The following ZNF407 variants were observed in gnomAD, a reference collection of about 807,000 sequenced individuals.
ZNF407 encodes zinc finger protein 407.
Under a neutral mutation model 131.2 loss-of-function variants are expected in ZNF407, and 17 were observed. That is an observed-to-expected ratio of 0.13 (90% CI 0.09 to 0.19). The LOEUF (loss-of-function observed/expected upper bound fraction) is 0.19, where lower values mean the gene tolerates loss of function less well. Ranked by LOEUF, ZNF407 falls within the 10% of genes least tolerant of loss-of-function variation. The pLI is 1.00. For missense variants in ZNF407, 2,681 were observed against 2,830.6 expected, an observed-to-expected ratio of 0.95 and a Z score of 1.20; for synonymous variants, 1,156 against 1,062.0, an observed-to-expected ratio of 1.09 and a Z score of -1.72.
intron 3 of ZNF407, among the ~76,000 whole-genome samples, chr18:74,729,099 C>G (rs564092722): frequency 6.6e-6 from 1 of 152,302 alleles, no homozygotes; most frequent in African/African-American, 2.4e-5. Flanking sequence ...TGGTTCATTA[C>G]TGTACCTTTC....
chr18:74,604,708 G>A (rs556522046), intron 1 of ZNF407, among the ~76,000 whole-genome samples: 28 of 152,344 alleles, frequency 1.8e-4, no homozygotes, highest in African/African-American at 6.7e-4. Flanking sequence ...TTCAATGGAA[G>A]TAACAATAAT....
chr18:74,907,043 T>C (rs1307059284), intron 7 of ZNF407, among the ~76,000 whole-genome samples: 4 of 152,202 alleles, frequency 2.6e-5, no homozygotes, highest in African/African-American at 9.6e-5. Context: ...ACATACCGTA[T>C]GTGTATATTT....
chr18:74,823,862 C>G (rs1399937962), intron 4 of ZNF407, among the ~76,000 whole-genome samples: 1 of 152,138 alleles, frequency 6.6e-6, no homozygotes, highest in Non-Finnish European at 1.5e-5. Context: ...CCAAGCAGAC[C>G]TAATAGACAT....
At chr18:75,045,160 C>T (rs1028802252) in intron 8 of ZNF407, among the ~76,000 whole-genome samples, 1 of 151,924 alleles carries the variant, frequency 6.6e-6, no homozygotes, top group Non-Finnish European at 1.5e-5. Flanking sequence ...ATGTACATAA[C>T]ATGTGCCTGT....
At chr18:74,693,162 A>G (rs1967270020) in intron 3 of ZNF407, among the ~76,000 whole-genome samples, 1 of 152,190 alleles carries the variant, frequency 6.6e-6, no homozygotes, top group Non-Finnish European at 1.5e-5. Context: ...TGACATGTAC[A>G]TGTATTTCTT....
At position 74,960,444 on chromosome 18, in the gene ZNF407, T is replaced by G. The variant is rs1277556525; in HGVS notation, c.5428+39752T>G. Among the ~76,000 whole-genome samples the G allele has an allele frequency of 3.1e-3, 309 of 99,932 alleles. 1 individual carries two copies. Among genetic ancestry groups the G allele is most frequent in the African/African-American group, 0.011 (275 of 24,678 alleles). 65.6% of individuals were successfully genotyped at this position (99,932 alleles called of 152,430 possible). On this transcript the variant is annotated intron_variant, in intron 8 of 8. Transcript: ENST00000299687. The stretch of plus-strand genomic sequence containing the variant: ...TAGGAGAAGGTCCCGACTGAGTGCT[T>G]GGTGGAGGGATAGGAGAAGGTCCTG...
At chr18:74,822,882 A>T (rs1285698703) in intron 4 of ZNF407, among the ~76,000 whole-genome samples, 3 of 152,144 alleles carry the variant, frequency 2.0e-5, no homozygotes, top group Non-Finnish European at 4.4e-5. Context: ...CACAATATTG[A>T]TTCTTCCTAT....
At chr18:74,837,683 T>C (rs991551409) in intron 4 of ZNF407, among the ~76,000 whole-genome samples, 1 of 152,122 alleles carries the variant, frequency 6.6e-6, no homozygotes, top group Non-Finnish European at 1.5e-5. Context: ...AGACAGGATC[T>C]CACTGTGTCA....
chr18:74,906,822 T>A (rs945485058), intron 7 of ZNF407, among the ~76,000 whole-genome samples: 1 of 152,140 alleles, frequency 6.6e-6, no homozygotes, highest in Admixed American at 6.5e-5. Flanking sequence ...TATGTCTGTA[T>A]GTGCATGCAC....
At chr18:74,931,621 C>T (rs753898711) in intron 8 of ZNF407, among the ~76,000 whole-genome samples, 6 of 151,918 alleles carry the variant, frequency 3.9e-5, no homozygotes, top group Non-Finnish European at 8.8e-5. Flanking sequence ...TACCTAGAAA[C>T]GAGATGCCTG....
intron 4 of ZNF407, among the ~76,000 whole-genome samples, chr18:74,800,204 T>C (rs968036677): frequency 3.2e-4 from 48 of 152,198 alleles, no homozygotes; most frequent in African/African-American, 1.0e-3. Context: ...TAGACTTACT[T>C]AAATTTCATG....
At chr18:74,907,727 G>A (rs979163802) in intron 7 of ZNF407, among the ~76,000 whole-genome samples, 9 of 152,136 alleles carry the variant, frequency 5.9e-5, no homozygotes, top group African/African-American at 2.2e-4. Flanking sequence ...CTAGTGTTTA[G>A]CTGTTCTAAA....
At chr18:74,847,749 T>C (rs1178688977) in intron 4 of ZNF407, among the ~76,000 whole-genome samples, 1 of 152,156 alleles carries the variant, frequency 6.6e-6, no homozygotes, top group Non-Finnish European at 1.5e-5. Flanking sequence ...TTTCCAGTTA[T>C]CTGAAGTATC....
rs757608285 is a variant in ZNF407, at chr18:74,633,434, A to G, written c.2415A>G (p.Leu805=). 8 of 1,614,074 alleles carry G rather than the reference A, an allele frequency of 5.0e-6. No homozygotes were observed. The highest frequency in any genetic ancestry group is 3.4e-6 in the Non-Finnish European group (4 of 1,179,912). Residue 805 remains leucine (L), a synonymous_variant, in exon 2 of 9, where the codon TTA becomes TTG. Coordinates refer to ENST00000299687, the MANE Select transcript of ZNF407 (RefSeq NM_017757.3). Reference sequence around the variant, plus strand: ...TTGAAGGCCATATAGGTGTGCAATTACAAGAGCATTCCTATCTTGAGAAGG... The same window carrying G: ...TTGAAGGCCATATAGGTGTGCAATTGCAAGAGCATTCCTATCTTGAGAAGG... ...GRIEGHIGVQ[L]QEHSYLEKGM... is the part of the protein sequence containing the mutation.
chr18:74,741,396 A>G (rs2144920604), intron 3 of ZNF407, among the ~76,000 whole-genome samples: 1 of 152,260 alleles, frequency 6.6e-6, no homozygotes, highest in South Asian at 2.1e-4. Flanking sequence ...ACATGCATAC[A>G]AATAATTTGG....
chr18:74,944,786 G>A (rs1972136648), intron 8 of ZNF407, among the ~76,000 whole-genome samples: 1 of 152,180 alleles, frequency 6.6e-6, no homozygotes. Context: ...AGAGAAGGGG[G>A]GAAGCCTCTG....
At position 75,030,228 on chromosome 18, in the gene ZNF407, C is replaced by T. The variant is rs1023110263; in HGVS notation, c.5429-32922C>T. On this transcript the variant is annotated intron_variant, in intron 8 of 8. Coordinates refer to ENST00000299687, the MANE Select transcript of ZNF407 (RefSeq NM_017757.3). Reference sequence around the variant, plus strand: ...ATTTAAAAATTTTGTCCATGAACTTCACTGGATTTAATAGCTCCCAGCAAC... The same window carrying T: ...ATTTAAAAATTTTGTCCATGAACTTTACTGGATTTAATAGCTCCCAGCAAC... 5.3e-4 allele frequency among the ~76,000 whole-genome samples: 80 copies of T among 152,262 alleles called. 1 individual carries two copies. The highest frequency in any genetic ancestry group is 1.8e-3 in the African/African-American group (75 of 41,538).
intron 6 of ZNF407, among the ~76,000 whole-genome samples, chr18:74,888,487 G>T (rs527372688): frequency 6.6e-6 from 1 of 151,716 alleles, no homozygotes; most frequent in Non-Finnish European, 1.5e-5. Flanking sequence ...TTGAAATTTG[G>T]TATTTTACAA....
intron 3 of ZNF407, among the ~76,000 whole-genome samples, chr18:74,725,478 G>A (rs900928265): frequency 6.6e-5 from 10 of 152,120 alleles, no homozygotes; most frequent in Admixed American, 5.9e-4. Flanking sequence ...AATTATAAAA[G>A]TAGTTTCTTT....
Sources: allele counts gnomAD v4.1 joint callset (sites outside exome capture counted in the v4.1 genomes callset), GRCh38; gene constraint gnomAD v4.1.1; transcripts MANE v1.5; gene names NCBI Gene and HGNC (gene_info 2026-07-23, HGNC 2026-07-21).